The following MAF variants were observed in gnomAD, a reference collection of about 807,000 sequenced individuals.
MAF encodes the protein MAF bZIP transcription factor.
A neutral mutation model predicts 22.0 loss-of-function variants in MAF; 10 were observed. The observed-to-expected ratio is 0.45, with a 90% CI of 0.28 to 0.77. MAF has a LOEUF of 0.77. MAF is among the 30% of genes least tolerant of loss of function. MAF has a pLI of 0.12. For missense variants in MAF, 544 were observed against 548.4 expected (o/e 0.99, Z 0.08); for synonymous variants, 337 against 255.8 (o/e 1.32, Z -3.03).
At chr16:79,419,762 G>A in the MAF span, among the ~76,000 whole-genome samples, 1 of 152,142 alleles carries the variant, frequency 6.6e-6, no homozygotes, top group Non-Finnish European at 1.5e-5. Flanking sequence ...AATCATCTTT[G>A]TATACCTAAT....
chr16:79,251,874 C>T, the MAF span, among the ~76,000 whole-genome samples: 5 of 152,152 alleles, frequency 3.3e-5, no homozygotes, highest in Admixed American at 1.3e-4. Context: ...GTAAGAAAAG[C>T]CTTGATATTT....
At chr16:79,209,493 G>T in the MAF span, among the ~76,000 whole-genome samples, 1 of 152,216 alleles carries the variant, frequency 6.6e-6, no homozygotes, top group Non-Finnish European at 1.5e-5. Flanking sequence ...ATGCTGAATA[G>T]TATAACCATT....
chr16:79,446,908 A>T, the MAF span, among the ~76,000 whole-genome samples: 1 of 152,098 alleles, frequency 6.6e-6, no homozygotes, highest in African/African-American at 2.4e-5. Context: ...AGAGTGAGAC[A>T]CTGTCTCAAG....
the MAF span, among the ~76,000 whole-genome samples, chr16:79,467,112 T>A: frequency 2.0e-5 from 3 of 152,214 alleles, no homozygotes; most frequent in East Asian, 5.8e-4. Context: ...GTCTTTCCAT[T>A]GGGCCCAGGA....
chr16:79,272,424 A>C, the MAF span, among the ~76,000 whole-genome samples: 1 of 152,194 alleles, frequency 6.6e-6, no homozygotes, highest in Non-Finnish European at 1.5e-5. Flanking sequence ...AGCCCCCTGG[A>C]GGCCCTGTGC....
chr16:79,470,486 C>G, the MAF span, among the ~76,000 whole-genome samples: 2 of 152,186 alleles, frequency 1.3e-5, no homozygotes, highest in African/African-American at 4.8e-5. Flanking sequence ...GTACCAGCCC[C>G]CACCACAAGT....
chr16:79,310,216 A>G, the MAF span, among the ~76,000 whole-genome samples: 9 of 152,278 alleles, frequency 5.9e-5, no homozygotes, highest in Admixed American at 4.6e-4. Flanking sequence ...TGGTGCACGC[A>G]CGGGAGCGCA....
the MAF span, among the ~76,000 whole-genome samples, chr16:79,335,163 G>A: frequency 1.4e-5 from 2 of 140,224 alleles, no homozygotes; most frequent in East Asian, 2.2e-4. Context: ...CCAGCCTGGC[G>A]ACAGAGCGAG....
chr16:79,316,977 A>G, the MAF span, among the ~76,000 whole-genome samples: 1 of 152,184 alleles, frequency 6.6e-6, no homozygotes, highest in African/African-American at 2.4e-5. Context: ...ATTTAGCAAA[A>G]GAAGAAAACA....
At chr16:79,497,251 G>GA in the MAF span, among the ~76,000 whole-genome samples, 1 of 152,072 alleles carries the variant, frequency 6.6e-6, no homozygotes, top group South Asian at 2.1e-4. Context: ...TAATACAGAA[G>GA]AAAAAAAGGC....
At chr16:79,369,760 C>G in the MAF span, among the ~76,000 whole-genome samples, 2 of 152,320 alleles carry the variant, frequency 1.3e-5, no homozygotes, top group East Asian at 3.9e-4. Flanking sequence ...CTTCCACCCT[C>G]CATGATGGGT....
At chr16:79,538,549 C>G in the MAF span, among the ~76,000 whole-genome samples, 1 of 152,064 alleles carries the variant, frequency 6.6e-6, no homozygotes, top group African/African-American at 2.4e-5. Context: ...ACTTTATTTA[C>G]AAACTAAATA....
At chr16:79,555,549 T>C in the MAF span, among the ~76,000 whole-genome samples, 2 of 152,182 alleles carry the variant, frequency 1.3e-5, no homozygotes, top group Admixed American at 6.6e-5. Context: ...AGTGGAAAGA[T>C]ACCTGCAATA....
the MAF span, among the ~76,000 whole-genome samples, chr16:79,277,027 C>CT: frequency 6.6e-6 from 1 of 152,076 alleles, no homozygotes; most frequent in African/African-American, 2.4e-5. Context: ...CTAAATCTCT[C>CT]TTTTTTAATT....
the MAF span, among the ~76,000 whole-genome samples, chr16:79,246,494 T>A: frequency 6.9e-6 from 1 of 145,552 alleles, no homozygotes; most frequent in Non-Finnish European, 1.5e-5. Flanking sequence ...AAAACAAAAT[T>A]TGAGTTCCCT....
At chr16:79,339,163 G>A in the MAF span, among the ~76,000 whole-genome samples, 11 of 152,022 alleles carry the variant, frequency 7.2e-5, no homozygotes, top group East Asian at 1.9e-4. Flanking sequence ...TCCGCCTCCC[G>A]GGTTCACGCC....
the MAF span, among the ~76,000 whole-genome samples, chr16:79,222,888 A>G: frequency 6.6e-6 from 1 of 152,214 alleles, no homozygotes; most frequent in Non-Finnish European, 1.5e-5. Context: ...AAAGACCTAC[A>G]AAGAAACTTA....
At chr16:79,595,204 G>A (rs923784624) in intron 1 of MAF, 7 of 1,038,070 alleles carry the variant, frequency 6.7e-6, no homozygotes, top group Non-Finnish European at 7.0e-6. Flanking sequence ...TTACTATTAA[G>A]ACTTTTGTTA....
At chr16:79,518,364 C>T in the MAF span, among the ~76,000 whole-genome samples, 1 of 152,324 alleles carries the variant, frequency 6.6e-6, no homozygotes, top group East Asian at 1.9e-4. Flanking sequence ...ACAGTGAGCT[C>T]CCTGGCTGGC....
Sources: allele counts gnomAD v4.1 joint callset (sites outside exome capture counted in the v4.1 genomes callset), GRCh38; gene constraint gnomAD v4.1.1; transcripts MANE v1.5; gene names NCBI Gene and HGNC (gene_info 2026-07-23, HGNC 2026-07-21).